IMPA1: variants seen among roughly 807,000 people sequenced by gnomAD.
The protein encoded by IMPA1 is inositol monophosphatase 1.
In IMPA1, 21 loss-of-function variants were observed where a neutral mutation model predicts 34.9. The ratio of observed to expected loss-of-function variants is 0.60; its 90% confidence interval spans 0.43 to 0.87. The LOEUF is 0.87. Ranked by LOEUF, IMPA1 falls within the 40% of genes least tolerant of loss-of-function variation. The probability of loss-of-function intolerance (pLI) is 0.00; values close to 1 mark genes in which losing one functional copy is unlikely to be tolerated. For synonymous variants in IMPA1, 95 were observed against 104.4 expected, an observed-to-expected ratio of 0.91 and a Z score of 0.55; for missense variants, 299 against 336.4, an observed-to-expected ratio of 0.89 and a Z score of 0.87.
At chr8:81,682,332 A>G (rs2130325631) in intron 1 of IMPA1, among the ~76,000 whole-genome samples, 1 of 152,310 alleles carries the variant, frequency 6.6e-6, no homozygotes. Flanking sequence ...AAGCTTTTTA[A>G]GCTGTCAGAC....
intron 7 of IMPA1, among the ~76,000 whole-genome samples, 157 bp downstream of exon 7, chr8:81,670,782 T>C (rs549487692): frequency 6.2e-4 from 95 of 152,198 alleles, no homozygotes; most frequent in African/African-American, 2.3e-3. Context: ...AGTGTATTTA[T>C]GAAATCAGTG....
intron 1 of IMPA1, among the ~76,000 whole-genome samples, chr8:81,683,981 A>C (rs1807380937): frequency 6.6e-6 from 1 of 152,054 alleles, no homozygotes; most frequent in Non-Finnish European, 1.5e-5. Context: ...CTTACGATCT[A>C]CAGTCAGACA....
At chr8:81,678,992 T>C in intron 4 of IMPA1, 134 bp downstream of exon 4, 1 of 591,420 alleles carries the variant, frequency 1.7e-6, no homozygotes, top group Non-Finnish European at 3.0e-6. Flanking sequence ...ACATTTTATA[T>C]ATACTTTATT....
At chr8:81,668,011 G>T (rs1312713385) in intron 7 of IMPA1, among the ~76,000 whole-genome samples, 1 of 151,994 alleles carries the variant, frequency 6.6e-6, no homozygotes, top group Non-Finnish European at 1.5e-5. Context: ...TTTTAGTAGA[G>T]ACAGGGTTTC....
chr8:81,684,360 T>A (rs965568556), intron 1 of IMPA1, among the ~76,000 whole-genome samples: 2 of 143,706 alleles, frequency 1.4e-5, no homozygotes, highest in Non-Finnish European at 3.0e-5. Context: ...ATACCATACA[T>A]AAGTATATTT....
chr8:81,663,840 C>A (rs1425482816), intron 7 of IMPA1, among the ~76,000 whole-genome samples: 1 of 152,086 alleles, frequency 6.6e-6, no homozygotes, highest in African/African-American at 2.4e-5. Flanking sequence ...GAGATCAAGA[C>A]CATCCTGGCT....
intron 1 of IMPA1, 174 bp downstream of exon 1, chr8:81,686,078 C>T: frequency 2.1e-6 from 2 of 972,174 alleles, no homozygotes; most frequent in South Asian, 4.5e-5. Context: ...TTCCCGGTCG[C>T]CCAGGGCAGC....
Position 81,659,330 on chromosome 8 carries a change from T to C in IMPA1, c.*21A>G, listed in dbSNP as rs776798105. 14 of 1,347,514 alleles carry C rather than the reference T, an allele frequency of 1.0e-5. No individual in the cohort carries two copies. The highest frequency in any genetic ancestry group is 2.3e-5 in the South Asian group (2 of 85,718). The allele number at this position is 1,347,514 out of a possible 1,614,324, so 83.5% of individuals were successfully genotyped here. ...CAAATCTGGGGAAAAGCAACTGGGA[T>C]TGACTATGAGGCTGCCTTAATTAAT... is the stretch of plus-strand genomic sequence containing the variant. On this transcript the variant is annotated 3_prime_UTR_variant, in exon 9 of 9. Transcript: ENST00000256108.
At chr8:81,677,275 C>T (rs1230016819) in intron 4 of IMPA1, among the ~76,000 whole-genome samples, 1 of 152,018 alleles carries the variant, frequency 6.6e-6, no homozygotes, top group Non-Finnish European at 1.5e-5. Context: ...TTGTATTTTA[C>T]GTAGAGACGG....
At chr8:81,683,259 T>C (rs569665223) in intron 1 of IMPA1, among the ~76,000 whole-genome samples, 10 of 152,074 alleles carry the variant, frequency 6.6e-5, no homozygotes, top group Non-Finnish European at 1.2e-4. Context: ...GGATAAGACA[T>C]TGATTGAAGG....
intron 7 of IMPA1, among the ~76,000 whole-genome samples, chr8:81,668,038 T>A (rs1281575529): frequency 2.0e-5 from 3 of 152,072 alleles, no homozygotes; most frequent in Admixed American, 6.6e-5. Context: ...TTAGCCAGGA[T>A]GGTCTCGATC....
chr8:81,668,092 G>C (rs1293213654), intron 7 of IMPA1, among the ~76,000 whole-genome samples: 1 of 152,092 alleles, frequency 6.6e-6, no homozygotes, highest in Non-Finnish European at 1.5e-5. Context: ...CAAAGTGCTG[G>C]GATTACAGGC....
chr8:81,675,953 T>C (rs917480258), intron 5 of IMPA1, among the ~76,000 whole-genome samples: 7 of 152,230 alleles, frequency 4.6e-5, no homozygotes, highest in Non-Finnish European at 1.0e-4. Context: ...TTCTATCCCA[T>C]CTGACTCTAT....
rs987489047 is a variant in IMPA1, at chr8:81,672,143, A to G, written c.458-1096T>C. Among the ~76,000 whole-genome samples the G allele has an allele frequency of 2.4e-4, 37 of 152,214 alleles. 1 individual carries two copies. The highest frequency in any genetic ancestry group is 4.4e-5 in the Non-Finnish European group (3 of 68,034). ...TAAGTGTTTGAGGGAAAAAGGTATA[A>G]AAGTCTAGAAAGATTCTAAACTCAA... On this transcript the variant is annotated intron_variant, in intron 6 of 8. Transcript: ENST00000256108.
rs752028957 is a variant in IMPA1, at chr8:81,676,287, T to TA, written c.303-9dup. 225 of 1,263,396 alleles carry TA rather than the reference T, an allele frequency of 1.8e-4. No individual in the cohort carries two copies. The highest frequency in any genetic ancestry group is 3.3e-4 in the Admixed American group (13 of 39,170). 78.3% of individuals were successfully genotyped at this position (1,263,396 alleles called of 1,614,324 possible). On this transcript the variant is annotated splice_polypyrimidine_tract_variant and intron_variant, in intron 4 of 8. Coordinates refer to ENST00000256108, the MANE Select transcript of IMPA1 (RefSeq NM_005536.4). ...ACAGCTACAAAAGGAAATCTTTTTT[T>TA]AAAAAAAAGGACAAAATACAAATTA...
At chr8:81,684,120 CACACACACAT>C (rs1807390151) in intron 1 of IMPA1, among the ~76,000 whole-genome samples, 1 of 118,444 alleles carries the variant, frequency 8.4e-6, no homozygotes, top group Non-Finnish European at 1.9e-5. Context: ...TATATACACA[CACACACACAT>C]ACACACATAC....
intron 1 of IMPA1, among the ~76,000 whole-genome samples, chr8:81,682,585 G>A (rs1184861886): frequency 6.6e-6 from 1 of 152,020 alleles, no homozygotes; most frequent in Non-Finnish European, 1.5e-5. Context: ...GCCACTCTAT[G>A]AGTCATATAA....
chr8:81,679,899 G>A (rs571238579), intron 3 of IMPA1, among the ~76,000 whole-genome samples: 1 of 152,202 alleles, frequency 6.6e-6, no homozygotes, highest in Non-Finnish European at 1.5e-5. Flanking sequence ...CACTTTGGGA[G>A]GCTGAGGCGG....
Position 81,658,548 on chromosome 8 carries a change from C to A in IMPA1, c.*803G>T, listed in dbSNP as rs1391626025. The A allele has an allele frequency of 1.3e-5, 2 of 152,520 alleles. No individual in the cohort carries two copies. The highest frequency in any genetic ancestry group is 2.9e-5 in the Non-Finnish European group (2 of 67,990). The allele number at this position is 152,520 out of a possible 1,614,324, so 9.4% of individuals were successfully genotyped here. A position where few individuals can be genotyped will look rare whatever the true frequency, so the allele number is the denominator to read the frequency against. On this transcript the variant is annotated 3_prime_UTR_variant, in exon 9 of 9. Coordinates refer to ENST00000256108, the MANE Select transcript of IMPA1 (RefSeq NM_005536.4). ...GTGCTTTTTATTATAGAAATAGTTT[C>A]TTCTCTCTTACACAAGACTTTAAAG...
Sources: allele counts gnomAD v4.1 joint callset (sites outside exome capture counted in the v4.1 genomes callset), GRCh38; gene constraint gnomAD v4.1.1; transcripts MANE v1.5; gene names NCBI Gene and HGNC (gene_info 2026-07-23, HGNC 2026-07-21).